ZMYM5: variants seen among roughly 807,000 people sequenced by gnomAD.
ZMYM5 encodes the protein zinc finger MYM-type containing 5.
ZMYM5 carries 41 observed loss-of-function variants against 61.8 expected under a neutral mutation model. The observed-to-expected ratio is 0.66, with a 90% CI of 0.52 to 0.86. The LOEUF is 0.86. ZMYM5 is among the 40% of genes least tolerant of loss of function. The probability of loss-of-function intolerance (pLI) is 0.00; values close to 1 mark genes in which losing one functional copy is unlikely to be tolerated. For missense variants in ZMYM5, 706 were observed against 786.7 expected, an observed-to-expected ratio of 0.90 and a Z score of 1.23; for synonymous variants, 257 against 276.4, an observed-to-expected ratio of 0.93 and a Z score of 0.70.
At position 19,835,491 on chromosome 13, in the gene ZMYM5, T is replaced by C; in HGVS notation, c.1237A>G (p.Asn413Asp). ...QKRFCCQSCINEYKQMMETKS... is the reference protein window; with the variant it reads ...QKRFCCQSCIDEYKQMMETKS... ...AAAAGAATTACCTGTTTATATTCGT[T>C]AATACAACTTTGGCAGCAAAATCTC... Residue 413 changes from asparagine (N) to aspartate (D), a missense_variant, in exon 7 of 8, where the codon AAC becomes GAC. Asn to Asp is a conservative substitution (Grantham distance 23). Around this residue, in one of 2 missense-constraint regions of ZMYM5, gnomAD observed 226 missense variants for 325.0 expected, o/e 0.70. Coordinates refer to ENST00000337963, the MANE Select transcript of ZMYM5 (RefSeq NM_001142684.2). 7.3e-7 allele frequency: 1 copy of C among 1,367,490 alleles called. No individual in the cohort carries two copies. Among genetic ancestry groups the C allele is most frequent in the Non-Finnish European group, 9.8e-7 (1 of 1,021,736 alleles). 84.7% of individuals were successfully genotyped at this position (1,367,490 alleles called of 1,614,324 possible).
rs561717273 is a variant in ZMYM5, at chr13:19,829,403, G to A, written c.1252-4168C>T. 4.9e-4 allele frequency among the ~76,000 whole-genome samples: 74 copies of A among 152,062 alleles called. 1 individual carries two copies. Among genetic ancestry groups the A allele is most frequent in the African/African-American group, 1.6e-3 (66 of 41,508 alleles). ...ACCTCCCAGGCTCAAGTGATCCTCC[G>A]AGCTCAGCCTCCCAAGTAGCTGGGA... is the stretch of plus-strand genomic sequence containing the variant. On this transcript the variant is annotated intron_variant, in intron 7 of 7. Transcript: ENST00000337963.
intron 7 of ZMYM5, among the ~76,000 whole-genome samples, chr13:19,828,754 G>C (rs896817614): frequency 6.6e-6 from 1 of 152,172 alleles, no homozygotes; most frequent in Non-Finnish European, 1.5e-5. Flanking sequence ...GGCTCTAGGG[G>C]CTAAGGAAGA....
Position 19,824,446 on chromosome 13 carries a change from G to A in ZMYM5, c.*31C>T. 3 of 1,270,300 alleles carry A rather than the reference G, an allele frequency of 2.4e-6. No homozygotes were observed. The highest frequency in any genetic ancestry group is 3.1e-6 in the Non-Finnish European group (3 of 982,744). 78.7% of individuals were successfully genotyped at this position (1,270,300 alleles called of 1,614,324 possible). On this transcript the variant is annotated 3_prime_UTR_variant, in exon 8 of 8. Transcript: ENST00000337963. ...TGTTTTCTGAGTAATGTAAGATTCT[G>A]ATCATCATGCCAAAAAACAACTCAG... is the stretch of plus-strand genomic sequence containing the variant.
At chr13:19,860,749 T>C (rs1330319383) in intron 2 of ZMYM5, among the ~76,000 whole-genome samples, 1 of 150,860 alleles carries the variant, frequency 6.6e-6, no homozygotes, top group Non-Finnish European at 1.5e-5. Context: ...ACACTTCTAA[T>C]ATAAAAAGAA....
chr13:19,835,213 T>C (rs1474011307), intron 7 of ZMYM5, among the ~76,000 whole-genome samples: 5 of 152,116 alleles, frequency 3.3e-5, no homozygotes, highest in African/African-American at 1.2e-4. Flanking sequence ...CAGGATGGTC[T>C]CAAGCTCCTG....
At chr13:19,857,022 C>A (rs567471810) in intron 2 of ZMYM5, among the ~76,000 whole-genome samples, 52 of 152,200 alleles carry the variant, frequency 3.4e-4, no homozygotes, top group African/African-American at 1.2e-3. Context: ...AGGAGAATGG[C>A]GTGAACCCGG....
intron 7 of ZMYM5, among the ~76,000 whole-genome samples, chr13:19,831,379 C>A (rs555667603): frequency 1.3e-5 from 2 of 152,100 alleles, no homozygotes; most frequent in East Asian, 3.9e-4. Context: ...CTTGCCTCTG[C>A]CTCCCAAAGT....
chr13:19,852,845 T>A (rs561466620), intron 2 of ZMYM5, among the ~76,000 whole-genome samples: 4 of 152,314 alleles, frequency 2.6e-5, no homozygotes, highest in African/African-American at 9.6e-5. Context: ...AACTCAGGGC[T>A]CTAAAAATTC....
chr13:19,838,197 T>C (rs534131278), intron 5 of ZMYM5, among the ~76,000 whole-genome samples: 1 of 152,234 alleles, frequency 6.6e-6, no homozygotes, highest in South Asian at 2.1e-4. Context: ...GCCAAAATGA[T>C]GAAACCCTGT....
At chr13:19,831,321 C>T (rs982123349) in intron 7 of ZMYM5, among the ~76,000 whole-genome samples, 3 of 151,670 alleles carry the variant, frequency 2.0e-5, no homozygotes, top group Non-Finnish European at 4.4e-5. Context: ...GATGGGGTCT[C>T]ACTATGTTGC....
intron 7 of ZMYM5, among the ~76,000 whole-genome samples, chr13:19,829,546 T>C (rs749986347): frequency 9.9e-5 from 15 of 152,086 alleles, no homozygotes; most frequent in Admixed American, 3.9e-4. Context: ...TTGCCTCAGC[T>C]TCCCAAAGTG....
At chr13:19,850,175 A>G (rs1593899767) in intron 4 of ZMYM5, among the ~76,000 whole-genome samples, 1 of 152,314 alleles carries the variant, frequency 6.6e-6, no homozygotes, top group East Asian at 1.9e-4. Flanking sequence ...TATTTAAAAA[A>G]TCACTTGTTA....
chr13:19,862,601 C>A (rs984371581), intron 1 of ZMYM5, 135 bp from the exon 2 acceptor site: 13 of 152,068 alleles, frequency 8.5e-5, no homozygotes, highest in African/African-American at 3.1e-4. Context: ...CTAATGTTAC[C>A]GAGAAACTAA....
At chr13:19,828,835 T>C (rs569528431) in intron 7 of ZMYM5, among the ~76,000 whole-genome samples, 1 of 152,270 alleles carries the variant, frequency 6.6e-6, no homozygotes, top group African/African-American at 2.4e-5. Context: ...TTTACTGATA[T>C]GGGAAACAAA....
At position 19,834,455 on chromosome 13, in the gene ZMYM5, A is replaced by AT. The variant is rs529910957; in HGVS notation, c.1251+1021dup. Among the ~76,000 whole-genome samples the AT allele has an allele frequency of 1.1e-3, 158 of 145,634 alleles. 1 individual carries two copies. The highest frequency in any genetic ancestry group is 1.9e-3 in the South Asian group (9 of 4,620). On this transcript the variant is annotated intron_variant, in intron 7 of 7. Coordinates refer to ENST00000337963, the MANE Select transcript of ZMYM5 (RefSeq NM_001142684.2). ...CAAAACAGACAACTACCACATTTTA[A>AT]TTTTTTTTTTTTTGTAGAGACAGGG...
At chr13:19,862,689 T>C (rs1015739638) in intron 1 of ZMYM5, among the ~76,000 whole-genome samples, 1 of 152,016 alleles carries the variant, frequency 6.6e-6, no homozygotes, top group Non-Finnish European at 1.5e-5. Context: ...GTACTGGGGA[T>C]GCAGTGGGCT....
At chr13:19,844,300 A>C (rs1953000569) in intron 4 of ZMYM5, among the ~76,000 whole-genome samples, 1 of 152,178 alleles carries the variant, frequency 6.6e-6, no homozygotes, top group South Asian at 2.1e-4. Flanking sequence ...AAAGAGCCAG[A>C]CCTTGTTTCA....
At chr13:19,829,707 G>A (rs1053788019) in intron 7 of ZMYM5, among the ~76,000 whole-genome samples, 12 of 152,058 alleles carry the variant, frequency 7.9e-5, no homozygotes, top group African/African-American at 1.4e-4. Flanking sequence ...TGACCCTCTC[G>A]CCTCAGTCTT....
intron 2 of ZMYM5, among the ~76,000 whole-genome samples, chr13:19,853,620 T>C (rs568553859): frequency 4.6e-5 from 7 of 151,758 alleles, no homozygotes; most frequent in East Asian, 3.9e-4. Flanking sequence ...TTCTTTCTTT[T>C]TTTTTTTTGT....
Sources: gnomAD v4.1 joint callset for allele counts (sites outside exome capture counted in the v4.1 genomes callset) on GRCh38, gnomAD v4.1.1 for gene constraint, gnomAD v4.1.1 regional missense constraint, MANE v1.5 for transcripts, NCBI Gene and HGNC (gene_info 2026-07-23, HGNC 2026-07-21) for gene names.